The following KAZN variants were observed in gnomAD, a reference collection of about 807,000 sequenced individuals.
KAZN encodes kazrin.
Under a neutral mutation model 87.4 loss-of-function variants are expected in KAZN, and 40 were observed. That is an observed-to-expected ratio of 0.46 (90% confidence interval 0.36 to 0.60). KAZN has a LOEUF of 0.60. Among genes scored for constraint, KAZN ranks in the 20% least tolerant of loss-of-function variants. KAZN has a pLI of 0.00. For synonymous variants in KAZN, 466 were observed against 458.3 expected (o/e 1.02, Z -0.22); for missense variants, 898 against 1,073.9 (o/e 0.84, Z 2.29).
At chr1:14,924,642 C>G in intron 1 of KAZN, 1 of 879,822 alleles carries the variant, frequency 1.1e-6, no homozygotes, top group African/African-American at 1.8e-5. Flanking sequence ...GGGCCGGGCG[C>G]GCGAGGGCGC....
intron 1 of KAZN, among the ~76,000 whole-genome samples, chr1:14,736,164 C>T (rs564513242): frequency 1.4e-4 from 22 of 151,980 alleles, no homozygotes; most frequent in African/African-American, 4.6e-4. Flanking sequence ...TATTCTCAAA[C>T]TTCCATGTGG....
At chr1:14,106,846 C>T (rs1644384374) in intron 1 of KAZN, among the ~76,000 whole-genome samples, 1 of 152,160 alleles carries the variant, frequency 6.6e-6, no homozygotes, top group African/African-American at 2.4e-5. Flanking sequence ...ATGTGCTTGG[C>T]TGGTCCTATT....
intron 1 of KAZN, among the ~76,000 whole-genome samples, chr1:13,956,722 G>GA (rs1354114340): frequency 6.6e-6 from 1 of 151,924 alleles, no homozygotes; most frequent in African/African-American, 2.4e-5. Flanking sequence ...TTGTTGTTGG[G>GA]AAAAAATTAT....
At chr1:14,527,341 G>A (rs1671928148) in intron 2 of KAZN, among the ~76,000 whole-genome samples, 1 of 152,160 alleles carries the variant, frequency 6.6e-6, no homozygotes, top group East Asian at 1.9e-4. Context: ...ACAAGGTCAA[G>A]AGTTCGAGAC....
intron 1 of KAZN, among the ~76,000 whole-genome samples, chr1:14,889,968 G>A (rs1217721211): frequency 3.3e-5 from 5 of 152,310 alleles, no homozygotes; most frequent in East Asian, 3.9e-4. Context: ...TACCTCGTAC[G>A]CTCGAGCCAA....
chr1:14,750,615 AC>A (rs1165734384), intron 1 of KAZN, among the ~76,000 whole-genome samples: 1 of 149,982 alleles, frequency 6.7e-6, no homozygotes, highest in Non-Finnish European at 1.5e-5. Context: ...AAAAAAAAAG[AC>A]CTTTAAAACC....
At chr1:14,706,102 T>C (rs1298358353) in intron 1 of KAZN, among the ~76,000 whole-genome samples, 8 of 152,050 alleles carry the variant, frequency 5.3e-5, no homozygotes. Context: ...ATGCAAGGGA[T>C]CTAGGTTGTG....
At chr1:14,175,246 G>T (rs1242598623) in intron 1 of KAZN, among the ~76,000 whole-genome samples, 1 of 152,190 alleles carries the variant, frequency 6.6e-6, no homozygotes, top group African/African-American at 2.4e-5. Flanking sequence ...TGGGACTACA[G>T]GCGCCTGCCA....
chr1:14,165,283 A>G (rs1645801832), intron 1 of KAZN, among the ~76,000 whole-genome samples: 1 of 151,988 alleles, frequency 6.6e-6, no homozygotes, highest in Admixed American at 6.6e-5. Context: ...GCAGCAGGCC[A>G]GTCCTTCCCA....
chr1:14,374,355 G>GA (rs1557672125), intron 2 of KAZN, among the ~76,000 whole-genome samples: 1 of 152,108 alleles, frequency 6.6e-6, no homozygotes, highest in East Asian at 1.9e-4. Flanking sequence ...CTGAATGAAC[G>GA]AATGTTTGGG....
intron 1 of KAZN, among the ~76,000 whole-genome samples, chr1:14,679,183 C>T (rs1182938107): frequency 3.3e-5 from 5 of 152,054 alleles, no homozygotes; most frequent in African/African-American, 9.7e-5. Flanking sequence ...TCAAGAGAAG[C>T]GGGCAGGCCA....
intron 1 of KAZN, among the ~76,000 whole-genome samples, chr1:14,121,304 C>T (rs1014423710): frequency 3.3e-5 from 5 of 152,172 alleles, no homozygotes; most frequent in African/African-American, 4.8e-5. Context: ...CTCATCACTA[C>T]GGTGAATGAA....
chr1:14,387,182 C>T (rs891387774), intron 2 of KAZN, among the ~76,000 whole-genome samples: 4 of 152,156 alleles, frequency 2.6e-5, no homozygotes, highest in African/African-American at 7.2e-5. Context: ...TTAAGCACTT[C>T]TCTGTATTGG....
At chr1:14,662,982 T>TATATATATATATATATA in intron 1 of KAZN, among the ~76,000 whole-genome samples, 1 of 145,858 alleles carries the variant, frequency 6.9e-6, no homozygotes, top group South Asian at 2.2e-4. Flanking sequence ...TATATATATA[T>TATATATATATATATATA]TTTAGAGAGG....
chr1:14,041,888 T>C (rs747176327), intron 1 of KAZN, among the ~76,000 whole-genome samples: 2 of 152,180 alleles, frequency 1.3e-5, no homozygotes, highest in African/African-American at 2.4e-5. Context: ...TCTGAAGGTA[T>C]TGTTTAATTT....
intron 1 of KAZN, among the ~76,000 whole-genome samples, chr1:13,959,334 T>C (rs566640464): frequency 3.3e-4 from 51 of 152,332 alleles, no homozygotes; most frequent in African/African-American, 1.1e-3. Flanking sequence ...AGAATCTCTA[T>C]TGCAGTAGCT....
rs1416950583 is a variant in KAZN, at chr1:14,706,773, A to G, written c.226+107550A>G. ...CTCCACACCTTTTAGTAAGCACTTT[A>G]TCCTCATTTGAATGTGCCATCTGTT... On this transcript the variant is annotated intron_variant, in intron 1 of 14. Transcript: ENST00000376030. Among the ~76,000 whole-genome samples the G allele has an allele frequency of 2.6e-5, 4 of 152,206 alleles. No homozygotes were observed. The East Asian group carries it at 5.8e-4, about 22-fold the overall frequency.
At chr1:14,450,143 C>T (rs1413174927) in intron 2 of KAZN, among the ~76,000 whole-genome samples, 1 of 152,154 alleles carries the variant, frequency 6.6e-6, no homozygotes, top group African/African-American at 2.4e-5. Context: ...CAGTCTCTCT[C>T]TGCCTGTCAT....
At chr1:15,046,968 C>T (rs1374569945) in intron 4 of KAZN, among the ~76,000 whole-genome samples, 1 of 152,212 alleles carries the variant, frequency 6.6e-6, no homozygotes, top group Non-Finnish European at 1.5e-5. Context: ...CTGGGTCTTT[C>T]TGGCCTAGAA....
Sources: allele counts gnomAD v4.1 joint callset (sites outside exome capture counted in the v4.1 genomes callset), GRCh38; gene constraint gnomAD v4.1.1; transcripts MANE v1.5; gene names NCBI Gene and HGNC (gene_info 2026-07-23, HGNC 2026-07-21).